EPM2A: variants seen among roughly 807,000 people sequenced by gnomAD.
EPM2A encodes the protein laforin.
EPM2A carries 21 observed loss-of-function variants against 26.5 expected under a neutral mutation model. That is an observed-to-expected ratio of 0.79 (90% confidence interval 0.56 to 1.14). The LOEUF is 1.14. Among genes scored for constraint, EPM2A ranks in the 50% most tolerant of loss-of-function variants. The pLI is 0.00. For synonymous variants in EPM2A, 217 were observed against 177.6 expected (o/e 1.22, Z -1.76); for missense variants, 458 against 440.8 (o/e 1.04, Z -0.35).
At chr6:145,422,122 A>G in intron 4 of EPM2A, among the ~76,000 whole-genome samples, 1 of 146,212 alleles carries the variant, frequency 6.8e-6, no homozygotes, top group East Asian at 2.0e-4. Flanking sequence ...ATAAATATAT[A>G]ATATAGTTAT....
intron 4 of EPM2A, among the ~76,000 whole-genome samples, chr6:145,422,407 A>C (rs955136222): frequency 2.7e-5 from 4 of 150,020 alleles, no homozygotes; most frequent in Non-Finnish European, 5.9e-5. Flanking sequence ...TTTTTTCTTT[A>C]TTTTCTTATT....
chr6:145,598,830 C>T (rs1781381742), intron 2 of EPM2A, among the ~76,000 whole-genome samples: 1 of 152,020 alleles, frequency 6.6e-6, no homozygotes, highest in African/African-American at 2.4e-5. Flanking sequence ...ATATGGCTAA[C>T]AAGTTACCCC....
intron 1 of EPM2A, among the ~76,000 whole-genome samples, chr6:145,698,393 T>C (rs1418127559): frequency 6.6e-6 from 1 of 152,154 alleles, no homozygotes; most frequent in Non-Finnish European, 1.5e-5. Flanking sequence ...AAGCTTAGCC[T>C]TGGATTCACT....
At chr6:145,589,906 A>G (rs1403522765) in intron 2 of EPM2A, among the ~76,000 whole-genome samples, 1 of 151,930 alleles carries the variant, frequency 6.6e-6, no homozygotes, top group Non-Finnish European at 1.5e-5. Context: ...AAAAAAGAAA[A>G]AAAAGAAAGA....
intron 4 of EPM2A, among the ~76,000 whole-genome samples, chr6:145,492,348 C>T (rs1779766209): frequency 6.6e-6 from 1 of 152,172 alleles, no homozygotes; most frequent in Admixed American, 6.5e-5. Context: ...GCGGCCCCCA[C>T]AGTACCATCT....
At position 145,495,099 on chromosome 6, in the gene EPM2A, C is replaced by T. The variant is rs191860262; in HGVS notation, c.555+7423G>A. 3.1e-4 allele frequency among the ~76,000 whole-genome samples: 47 copies of T among 152,188 alleles called. 1 individual carries two copies. The highest frequency in any genetic ancestry group is 2.8e-4 in the Non-Finnish European group (19 of 68,012). ...GTTAGTGGGATGGTAAAATTTCCTCCTATCATTGTGTAGGAGTCTAAGTCT... is the reference window on the plus strand; with the variant it reads ...GTTAGTGGGATGGTAAAATTTCCTCTTATCATTGTGTAGGAGTCTAAGTCT... On this transcript the variant is annotated intron_variant, in intron 4 of 4. Transcript: ENST00000638717.
At chr6:145,676,322 C>G (rs564697799) in intron 2 of EPM2A, among the ~76,000 whole-genome samples, 5 of 151,966 alleles carry the variant, frequency 3.3e-5, no homozygotes, top group African/African-American at 1.2e-4. Flanking sequence ...CAAGAGAAAG[C>G]AGAAAGATAT....
chr6:145,428,023 T>A (rs1778873442), intron 4 of EPM2A, among the ~76,000 whole-genome samples: 2 of 151,460 alleles, frequency 1.3e-5, no homozygotes, highest in African/African-American at 4.8e-5. Context: ...ACATTTTATT[T>A]TATATTTTCT....
intron 1 of EPM2A, among the ~76,000 whole-genome samples, chr6:145,712,565 A>C (rs373499373): frequency 2.6e-5 from 4 of 152,190 alleles, no homozygotes; most frequent in African/African-American, 7.2e-5. Context: ...CCACAAGTTG[A>C]TGGTCAAGAG....
At chr6:145,607,251 C>A (rs1775283206) in intron 2 of EPM2A, among the ~76,000 whole-genome samples, 1 of 152,122 alleles carries the variant, frequency 6.6e-6, no homozygotes. Context: ...GCTTATGAGG[C>A]TGTTTTCCTA....
chr6:145,708,665 A>G (rs1358192222), intron 1 of EPM2A, among the ~76,000 whole-genome samples: 1 of 152,228 alleles, frequency 6.6e-6, no homozygotes, highest in African/African-American at 2.4e-5. Context: ...AGTTTGCTGC[A>G]GGGGCGGGGT....
At chr6:145,731,696 A>G (rs546686862) in intron 1 of EPM2A, among the ~76,000 whole-genome samples, 1 of 152,324 alleles carries the variant, frequency 6.6e-6, no homozygotes, top group East Asian at 1.9e-4. Context: ...TGGCACATGT[A>G]TAATACTTAT....
At chr6:145,631,871 T>TCACACACA (rs1554256529) in intron 3 of EPM2A, 3 of 72,922 alleles carry the variant, frequency 4.1e-5, no homozygotes, top group Admixed American at 3.4e-4. Context: ...TCTCTCTCTC[T>TCACACACA]CACACACACA....
At chr6:145,574,348 C>T (rs1337886555) in intron 2 of EPM2A, among the ~76,000 whole-genome samples, 1 of 152,152 alleles carries the variant, frequency 6.6e-6, no homozygotes, top group African/African-American at 2.4e-5. Flanking sequence ...GCTGCTTTGC[C>T]TCTGCTGTCC....
At chr6:145,476,460 T>C (rs548173373) in intron 4 of EPM2A, among the ~76,000 whole-genome samples, 5 of 152,172 alleles carry the variant, frequency 3.3e-5, no homozygotes, top group African/African-American at 1.2e-4. Context: ...GATCTAAATA[T>C]ATTTACAGAA....
In EPM2A at chr6:145,593,943, T is replaced by C. The variant is rs549979654; in HGVS notation, c.340+41302A>G. On this transcript the variant is annotated intron_variant, in intron 2 of 3. Coordinates refer to the EPM2A transcript ENST00000450221. ...AAAGCGAAAATCAAAGAAATTAAAA[T>C]ATAAAACAATAGAAAAAAACAACAA... 5.9e-5 allele frequency among the ~76,000 whole-genome samples: 9 copies of C among 151,504 alleles called. No individual in the cohort carries two copies. In the East Asian group the frequency reaches 1.7e-3, roughly 29 times the overall value.
chr6:145,452,984 G>T (rs561814190), intron 4 of EPM2A, among the ~76,000 whole-genome samples: 16 of 152,206 alleles, frequency 1.1e-4, no homozygotes, highest in African/African-American at 3.4e-4. Flanking sequence ...GAACTTGTTG[G>T]TTTTAGGTAA....
intron 2 of EPM2A, among the ~76,000 whole-genome samples, chr6:145,641,693 C>A (rs972003909): frequency 1.3e-5 from 2 of 152,142 alleles, no homozygotes; most frequent in East Asian, 3.9e-4. Flanking sequence ...ATACAACTAG[C>A]ATTTGATGGT....
At chr6:145,470,582 G>C (rs1351988687) in intron 4 of EPM2A, among the ~76,000 whole-genome samples, 1 of 152,060 alleles carries the variant, frequency 6.6e-6, no homozygotes, top group Non-Finnish European at 1.5e-5. Context: ...GCAATATTAA[G>C]AATAATGCTA....
Sources: gnomAD v4.1 joint callset for allele counts (sites outside exome capture counted in the v4.1 genomes callset) on GRCh38, gnomAD v4.1.1 for gene constraint, MANE v1.5 for transcripts, NCBI Gene and HGNC (gene_info 2026-07-23, HGNC 2026-07-21) for gene names.